Variants in FNDC3B observed in about 807,000 individuals in gnomAD.
FNDC3B encodes the protein fibronectin type III domain-containing protein 3B.
FNDC3B carries 12 observed loss-of-function variants against 151.5 expected under a neutral mutation model. The observed-to-expected ratio is 0.08, with a 90% CI of 0.05 to 0.13. The LOEUF (loss-of-function observed/expected upper bound fraction) is 0.13. Among genes scored for constraint, FNDC3B ranks in the 10% least tolerant of loss-of-function variants. The probability of loss-of-function intolerance (pLI) is 1.00; values close to 1 mark genes in which losing one functional copy is unlikely to be tolerated. For missense variants in FNDC3B, 1,214 were observed against 1,505.3 expected, an observed-to-expected ratio of 0.81 and a Z score of 3.20; for synonymous variants, 528 against 549.0, an observed-to-expected ratio of 0.96 and a Z score of 0.54.
intron 4 of FNDC3B, among the ~76,000 whole-genome samples, chr3:172,244,710 C>T (rs1727687967): frequency 6.7e-6 from 1 of 149,428 alleles, no homozygotes; most frequent in African/African-American, 2.5e-5. Context: ...CTGCAGCCTC[C>T]ACCTCCTGGG....
chr3:172,346,994 G>A (rs1339025768), intron 20 of FNDC3B, among the ~76,000 whole-genome samples: 8 of 152,236 alleles, frequency 5.3e-5, no homozygotes, highest in African/African-American at 7.2e-5. Flanking sequence ...ATGAGCCGCC[G>A]CACCTGGCCC....
At chr3:172,173,180 C>A (rs1251073601) in intron 3 of FNDC3B, among the ~76,000 whole-genome samples, 2 of 152,092 alleles carry the variant, frequency 1.3e-5, no homozygotes, top group Non-Finnish European at 2.9e-5. Flanking sequence ...GAGACATTTG[C>A]TCAGGGGTTA....
chr3:172,243,566 G>A (rs557241835), intron 4 of FNDC3B, among the ~76,000 whole-genome samples: 26 of 152,198 alleles, frequency 1.7e-4, no homozygotes, highest in African/African-American at 4.8e-4. Context: ...AGAACAGCAC[G>A]GGAAAGACTT....
chr3:172,367,905 T>G (rs1734708472), intron 23 of FNDC3B, among the ~76,000 whole-genome samples: 1 of 152,220 alleles, frequency 6.6e-6, no homozygotes, highest in African/African-American at 2.4e-5. Context: ...TGCTCTCCAT[T>G]AACTCAGCCC....
intron 2 of FNDC3B, among the ~76,000 whole-genome samples, chr3:172,132,450 G>A (rs1947513): frequency 1.3e-5 from 2 of 152,278 alleles, no homozygotes; most frequent in Admixed American, 1.3e-4. Flanking sequence ...CTGTCACCTA[G>A]GCTGGAGTGC....
chr3:172,204,474 G>A (rs546661433), intron 3 of FNDC3B, among the ~76,000 whole-genome samples: 2 of 152,244 alleles, frequency 1.3e-5, no homozygotes, highest in South Asian at 2.1e-4. Context: ...TTCTGTGCAT[G>A]TATACATACA....
At chr3:172,100,915 G>GA (rs1719348963) in intron 1 of FNDC3B, among the ~76,000 whole-genome samples, 2 of 151,916 alleles carry the variant, frequency 1.3e-5, no homozygotes, top group African/African-American at 4.8e-5. Context: ...ATAATTTTTT[G>GA]AAAAAATATT....
chr3:172,184,536 A>C (rs1333361271), intron 3 of FNDC3B, among the ~76,000 whole-genome samples: 3 of 151,798 alleles, frequency 2.0e-5, no homozygotes, highest in African/African-American at 7.3e-5. Context: ...ACAGACAAAA[A>C]CCCCCTCAAA....
At position 172,373,451 on chromosome 3, in the gene FNDC3B, G is replaced by A. The variant is rs371029443; in HGVS notation, c.3009-4819G>A. ...AAGAGGAAGAGGACTAGGAAAGCTCGACAAATGCTGTTCTCCTCTTCATGG... is the reference window on the plus strand; with the variant it reads ...AAGAGGAAGAGGACTAGGAAAGCTCAACAAATGCTGTTCTCCTCTTCATGG... On this transcript the variant is annotated intron_variant, in intron 23 of 25. Coordinates refer to ENST00000415807, the MANE Select transcript of FNDC3B (RefSeq NM_022763.4). Among the ~76,000 whole-genome samples, 89 of 152,270 alleles carry A rather than the reference G, an allele frequency of 5.8e-4. 1 individual carries two copies. The highest frequency in any genetic ancestry group is 2.0e-3 in the African/African-American group (84 of 41,552).
At chr3:172,145,043 C>T (rs938078906) in intron 3 of FNDC3B, among the ~76,000 whole-genome samples, 1 of 151,898 alleles carries the variant, frequency 6.6e-6, no homozygotes, top group African/African-American at 2.4e-5. Flanking sequence ...TTATTTCCCC[C>T]CTAAGTATTC....
At chr3:172,279,141 T>C (rs528728249) in intron 6 of FNDC3B, among the ~76,000 whole-genome samples, 1 of 143,912 alleles carries the variant, frequency 6.9e-6, no homozygotes, top group South Asian at 2.2e-4. Context: ...AGCATTTGCC[T>C]GAAGGAGGCC....
At chr3:172,083,875 A>C (rs1239657955) in intron 1 of FNDC3B, among the ~76,000 whole-genome samples, 1 of 152,202 alleles carries the variant, frequency 6.6e-6, no homozygotes, top group Admixed American at 6.5e-5. Context: ...TATAGTAGCC[A>C]GGTGGACCCA....
intron 17 of FNDC3B, among the ~76,000 whole-genome samples, chr3:172,342,327 T>C (rs779075634): frequency 1.3e-5 from 2 of 152,228 alleles, no homozygotes; most frequent in Admixed American, 6.5e-5. Flanking sequence ...GTCCTTCCTA[T>C]GTGTGAGGCA....
chr3:172,338,189 C>G (rs1733088011), intron 16 of FNDC3B: 1 of 152,008 alleles, frequency 6.6e-6, no homozygotes, highest in South Asian at 2.1e-4. Flanking sequence ...TGGCAGGCAC[C>G]TGTAGTCCCA....
chr3:172,058,266 A>G (rs1326633040), intron 1 of FNDC3B, among the ~76,000 whole-genome samples: 1 of 150,358 alleles, frequency 6.7e-6, no homozygotes, highest in East Asian at 2.0e-4. Context: ...CTGTATATTC[A>G]TTAGGGTAAT....
At chr3:172,353,512 A>C (rs1733954178) in intron 22 of FNDC3B, among the ~76,000 whole-genome samples, 1 of 152,226 alleles carries the variant, frequency 6.6e-6, no homozygotes, top group African/African-American at 2.4e-5. Flanking sequence ...ACTTTTATTA[A>C]ACAACCTATA....
chr3:172,273,973 G>A (rs1729322724), intron 6 of FNDC3B, among the ~76,000 whole-genome samples: 1 of 152,152 alleles, frequency 6.6e-6, no homozygotes, highest in Non-Finnish European at 1.5e-5. Flanking sequence ...CTTCTCTAAA[G>A]CCACAGTCAG....
intron 3 of FNDC3B, among the ~76,000 whole-genome samples, chr3:172,174,105 CTG>C (rs887961845): frequency 6.6e-6 from 1 of 152,174 alleles, no homozygotes; most frequent in African/African-American, 2.4e-5. Flanking sequence ...GCTGTGAAGA[CTG>C]TGCCACTTTC....
intron 3 of FNDC3B, among the ~76,000 whole-genome samples, chr3:172,207,532 A>T (rs1422081833): frequency 7.9e-5 from 12 of 152,192 alleles, no homozygotes; most frequent in Admixed American, 7.9e-4. Flanking sequence ...TTTGGTAAAT[A>T]GGCTGAGGTT....
Sources: allele counts gnomAD v4.1 joint callset (sites outside exome capture counted in the v4.1 genomes callset), GRCh38; gene constraint gnomAD v4.1.1; transcripts MANE v1.5; gene names NCBI Gene and HGNC (gene_info 2026-07-23, HGNC 2026-07-21).